PLXNA4: variants seen among roughly 807,000 people sequenced by gnomAD.
PLXNA4 encodes plexin A4.
In PLXNA4, 44 loss-of-function variants were observed where a neutral mutation model predicts 191.8. That is an observed-to-expected ratio of 0.23 (90% CI 0.18 to 0.29). The LOEUF is 0.29. Among genes scored for constraint, PLXNA4 ranks in the 10% least tolerant of loss-of-function variants. PLXNA4 has a pLI of 1.00. For synonymous variants in PLXNA4, 1,082 were observed against 1,009.5 expected (o/e 1.07, Z -1.36); for missense variants, 1,800 against 2,488.8 (o/e 0.72, Z 5.89).
chr7:132,554,229 A>C (rs968076475), intron 1 of PLXNA4, among the ~76,000 whole-genome samples: 3 of 152,172 alleles, frequency 2.0e-5, no homozygotes, highest in African/African-American at 7.2e-5. Context: ...GAAGGGCTGA[A>C]GAGTAGAGGA....
At chr7:132,617,782 T>A (rs930115843) in intron 2 of PLXNA4, among the ~76,000 whole-genome samples, 1 of 152,178 alleles carries the variant, frequency 6.6e-6, no homozygotes, top group African/African-American at 2.4e-5. Flanking sequence ...AAACCTGATA[T>A]ATGACCTAAA....
rs148927239 is a variant in PLXNA4, at chr7:132,375,480, C to G, written c.1372-77258G>C. Among the ~76,000 whole-genome samples the G allele has an allele frequency of 1.9e-3, 282 of 152,308 alleles. 1 individual carries two copies. Among genetic ancestry groups the G allele is most frequent in the African/African-American group, 6.4e-3 (265 of 41,564 alleles). On this transcript the variant is annotated intron_variant, in intron 3 of 31. Transcript: ENST00000321063. ...TACCATGTGCATGTTCTGTGTGTGGCACTGGAGACCCAAAGACAAACTGTT... is the reference window on the plus strand; with the variant it reads ...TACCATGTGCATGTTCTGTGTGTGGGACTGGAGACCCAAAGACAAACTGTT...
chr7:132,344,777 G>T (rs1254002953), intron 3 of PLXNA4, among the ~76,000 whole-genome samples: 2 of 152,148 alleles, frequency 1.3e-5, no homozygotes, highest in Non-Finnish European at 2.9e-5. Context: ...TAAGTGTCAA[G>T]CAAGAGATCA....
At chr7:132,282,606 C>A (rs1800520459) in intron 4 of PLXNA4, among the ~76,000 whole-genome samples, 1 of 61,576 alleles carries the variant, frequency 1.6e-5, no homozygotes, top group Admixed American at 2.7e-4. Context: ...CAGACCTTGT[C>A]TCAGAAAAAA....
chr7:132,228,310 A>AT (rs751090703), intron 6 of PLXNA4, 36 bp downstream of exon 6: 30 of 1,611,416 alleles, frequency 1.9e-5, no homozygotes, highest in Non-Finnish European at 2.5e-5. Context: ...TTTTCCTTGC[A>AT]TCCCTGGACC....
At chr7:132,394,118 T>A (rs1245358217) in intron 3 of PLXNA4, among the ~76,000 whole-genome samples, 1 of 151,932 alleles carries the variant, frequency 6.6e-6, no homozygotes, top group East Asian at 1.9e-4. Context: ...AGACCCAGGA[T>A]ACATGGGAGA....
intron 1 of PLXNA4, among the ~76,000 whole-genome samples, chr7:132,565,299 G>T (rs916874981): frequency 6.6e-6 from 1 of 152,120 alleles, no homozygotes; most frequent in Non-Finnish European, 1.5e-5. Context: ...AGTATACCTA[G>T]GATTAGAAGC....
At chr7:132,564,018 CCTT>C (rs1563177326) in intron 1 of PLXNA4, among the ~76,000 whole-genome samples, 1 of 36,728 alleles carries the variant, frequency 2.7e-5, no homozygotes, top group African/African-American at 7.6e-5. Context: ...TTCTCCTCCT[CCTT>C]CTCCTCCTCC....
At chr7:132,165,224 C>A (rs761711746) in intron 22 of PLXNA4, 24 bp from the exon 23 acceptor site, 3 of 1,608,124 alleles carry the variant, frequency 1.9e-6, no homozygotes, top group Non-Finnish European at 1.7e-6. Context: ...CCGAGGGAAC[C>A]AACGGAACAA....
At chr7:132,249,152 G>A (rs906951244) in intron 4 of PLXNA4, among the ~76,000 whole-genome samples, 3 of 152,248 alleles carry the variant, frequency 2.0e-5, no homozygotes, top group African/African-American at 7.2e-5. Context: ...CTGTGTGTCT[G>A]GGTGACCTTG....
chr7:132,621,241 T>A (rs1464708840), intron 2 of PLXNA4, among the ~76,000 whole-genome samples: 1 of 124,220 alleles, frequency 8.1e-6, no homozygotes, highest in African/African-American at 2.8e-5. Flanking sequence ...TCTTGGTTTT[T>A]TTTTGTTTTT....
chr7:132,259,138 C>A (rs1319153391), intron 4 of PLXNA4, among the ~76,000 whole-genome samples: 2 of 152,098 alleles, frequency 1.3e-5, no homozygotes, highest in Non-Finnish European at 2.9e-5. Context: ...TGAGCCACTT[C>A]AGGGTTTAGA....
rs555120361 is a variant in PLXNA4 at position 132,275,003 on chromosome 7, C to T, written c.1503+23088G>A. ...GGTTAAGATGGTTTCTGCTAGGTTTCTACACTATAAAGTTATTATTTTCCC... is the reference window on the plus strand; with the variant it reads ...GGTTAAGATGGTTTCTGCTAGGTTTTTACACTATAAAGTTATTATTTTCCC... On this transcript the variant is annotated intron_variant, in intron 4 of 31. Coordinates refer to ENST00000321063, the MANE Select transcript of PLXNA4 (RefSeq NM_020911.2). Among the ~76,000 whole-genome samples the T allele has an allele frequency of 5.3e-5, 8 of 152,086 alleles. No individual in the cohort carries two copies. The South Asian group carries it at 1.2e-3, about 24-fold the overall frequency.
intron 2 of PLXNA4, among the ~76,000 whole-genome samples, chr7:132,609,062 G>T (rs1222205763): frequency 6.6e-6 from 1 of 152,150 alleles, no homozygotes; most frequent in Admixed American, 6.5e-5. Context: ...ATCCCTAAAG[G>T]CCCAGCTCAG....
chr7:132,576,119 C>G lies in PLXNA4; in HGVS notation c.-87+303G>C, dbSNP rs975759546. 2.8e-4 allele frequency among the ~76,000 whole-genome samples: 42 copies of G among 152,200 alleles called. No homozygotes were observed. Among genetic ancestry groups the G allele is most frequent in the Admixed American group, 2.0e-4 (3 of 15,284 alleles). The stretch of plus-strand genomic sequence containing the variant: ...GGTGGGAGGCAGAGCCGGGAATACA[C>G]AGAATCCCACCCCGAAAGTCCCGGG... On this transcript the variant is annotated intron_variant, in intron 1 of 31. Coordinates refer to ENST00000321063, the MANE Select transcript of PLXNA4 (RefSeq NM_020911.2). The surrounding 1 kb of genome is among the most constrained non-coding windows in gnomAD (Gnocchi z 5.8).
In PLXNA4 at chr7:132,130,177, AG is replaced by A. The variant is rs1794884686; in HGVS notation, c.*301del. The A allele has an allele frequency of 8.5e-6, 3 of 353,044 alleles. No individual in the cohort carries two copies. The highest frequency in any genetic ancestry group is 1.6e-5 in the Non-Finnish European group (3 of 186,210). 21.9% of individuals were successfully genotyped at this position (353,044 alleles called of 1,614,324 possible). Reference sequence around the variant, plus strand: ...TGCTGCTGACATGCACAGGGTCAGGAGCACCTGGGAGACAGAGGCCTCTCTG... The same window carrying A: ...TGCTGCTGACATGCACAGGGTCAGGACACCTGGGAGACAGAGGCCTCTCTG... On this transcript the variant is annotated 3_prime_UTR_variant, in exon 32 of 32. Coordinates refer to ENST00000321063, the MANE Select transcript of PLXNA4 (RefSeq NM_020911.2).
intron 1 of PLXNA4, among the ~76,000 whole-genome samples, chr7:132,527,466 C>T (rs956030575): frequency 2.8e-4 from 42 of 150,356 alleles, no homozygotes; most frequent in African/African-American, 9.1e-4. Context: ...TGCCTTTCTC[C>T]ACGTCGTAGA....
At chr7:132,173,106 TAC>T (rs892157438) in intron 21 of PLXNA4, among the ~76,000 whole-genome samples, 3 of 152,052 alleles carry the variant, frequency 2.0e-5, no homozygotes, top group Non-Finnish European at 4.4e-5. Flanking sequence ...CATCCAATCA[TAC>T]ACACACACGT....
chr7:132,188,465 C>T (rs758724088), intron 14 of PLXNA4, among the ~76,000 whole-genome samples: 3 of 152,200 alleles, frequency 2.0e-5, no homozygotes, highest in Admixed American at 6.5e-5. Flanking sequence ...GTCGAACCCT[C>T]TCAGTTCCTT....
Sources: gnomAD v4.1 joint callset for allele counts (sites outside exome capture counted in the v4.1 genomes callset) on GRCh38, gnomAD v4.1.1 for gene constraint, Gnocchi (gnomAD v3.1) non-coding constraint, MANE v1.5 for transcripts, NCBI Gene and HGNC (gene_info 2026-07-23, HGNC 2026-07-21) for gene names.